Variants in FBRS observed in about 807,000 individuals in gnomAD.
FBRS encodes fibrosin.
In FBRS, 15 loss-of-function variants were observed where a neutral mutation model predicts 86.1. The observed-to-expected ratio is 0.17, with a 90% confidence interval of 0.12 to 0.27. FBRS has a LOEUF of 0.27. Among genes scored for constraint, FBRS ranks in the 10% least tolerant of loss-of-function variants. The probability of loss-of-function intolerance (pLI) is 1.00; values close to 1 mark genes in which losing one functional copy is unlikely to be tolerated. For synonymous variants in FBRS, 666 were observed against 575.8 expected, an observed-to-expected ratio of 1.16 and a Z score of -2.24; for missense variants, 1,367 against 1,301.6, an observed-to-expected ratio of 1.05 and a Z score of -0.77.
chr16:30,661,344 C>T lies in FBRS; in HGVS notation c.705+11C>T. The T allele has an allele frequency of 1.9e-6, 3 of 1,550,714 alleles. No individual in the cohort carries two copies. The highest frequency in any genetic ancestry group is 2.4e-5 in the East Asian group (1 of 40,922). On this transcript the variant is annotated intron_variant, in intron 4 of 17. Transcript: ENST00000356166. ...GATCTGGACGAGAGGGTGAGTGGGG[C>T]TAGAGCTTGGGTGGGCAGTGTCACT...
intron 11 of FBRS, 84 bp from the exon 12 acceptor site, chr16:30,666,428 G>A: frequency 6.4e-7 from 1 of 1,554,436 alleles, no homozygotes; most frequent in Non-Finnish European, 8.9e-7. Context: ...CATGTTGGGG[G>A]TGAGTGGATG....
chr16:30,661,152 C>T, intron 2 of FBRS, 28 bp from the exon 3 acceptor site: 1 of 1,550,316 alleles, frequency 6.5e-7, no homozygotes, highest in Non-Finnish European at 8.7e-7. Context: ...AGCCGCCTCC[C>T]TCACCTCTGG....
Position 30,669,153 on chromosome 16 carries a change from C to T in FBRS, c.2451C>T (p.Thr817=). ...ARAGEEGPRP[T]KESVRVKEER... ...CTGGTGAGGAGGGGCCTCGGCCAAC[C>T]AAGGAATCTGTGCGGGTAAAGGAAG... The change falls in exon 18 of 18, where the codon ACC becomes ACT. Residue 817 remains threonine (T), a synonymous_variant. Transcript: ENST00000356166. This position sits in a 1 kb window ranked among gnomAD's most constrained non-coding sequence, Gnocchi z 5.9. 1.3e-6 allele frequency: 2 copies of T among 1,564,744 alleles called. No individual in the cohort carries two copies. The highest frequency in any genetic ancestry group is 1.7e-4 in the Middle Eastern group (1 of 6,000).
At chr16:30,660,242 G>A in intron 1 of FBRS, 21 bp from the exon 2 acceptor site, 1 of 1,333,338 alleles carries the variant, frequency 7.5e-7, no homozygotes, top group Non-Finnish European at 9.7e-7. Flanking sequence ...ATCTATCTCA[G>A]CCCCACCTCC....
rs569538632 is a variant in FBRS, at chr16:30,669,652, CGG to C, written c.*15_*16del. 271 of 1,508,998 alleles carry C rather than the reference CGG, an allele frequency of 1.8e-4. No homozygotes were observed. In the African/African-American group the frequency reaches 3.5e-3, roughly 19 times the overall value. The allele number at this position is 1,508,998 out of a possible 1,614,324, so 93.5% of individuals were successfully genotyped here. ...AGCTCGGGCTGACAGGTGAGGGGAA[CGG>C]GGGGGGGTCGGGGCAAAGCTCCATC... On this transcript the variant is annotated 3_prime_UTR_variant, in exon 18 of 18. Transcript: ENST00000356166. This position sits in a 1 kb window ranked among gnomAD's most constrained non-coding sequence, Gnocchi z 5.9.
intron 1 of FBRS, 33 bp from the exon 2 acceptor site, chr16:30,660,230 C>G: frequency 7.5e-7 from 1 of 1,338,866 alleles, no homozygotes; most frequent in South Asian, 2.0e-5. Context: ...TTGCCCTTTT[C>G]CATCTATCTC....
At chr16:30,667,747 C>T in intron 15 of FBRS, 125 bp downstream of exon 15, 3 of 812,968 alleles carry the variant, frequency 3.7e-6, no homozygotes, top group Non-Finnish European at 5.5e-6. Context: ...TGACCTTGGG[C>T]AGGTTACTCT....
rs2052566100 is a variant in FBRS, at chr16:30,669,250, A to G, written c.2548A>G (p.Thr850Ala). 3.2e-6 allele frequency: 5 copies of G among 1,556,258 alleles called. No individual in the cohort carries two copies. Among genetic ancestry groups the G allele is most frequent in the Non-Finnish European group, 4.3e-6 (5 of 1,150,518 alleles). Residue 850 changes from threonine (T) to alanine (A), a missense_variant, in exon 18 of 18, where the codon ACT becomes GCT. Thr to Ala is a moderately conservative substitution (Grantham distance 58, BLOSUM62 0). Coordinates refer to ENST00000356166, the MANE Select transcript of FBRS (RefSeq NM_001105079.3). The surrounding 1 kb of genome is among the most constrained non-coding windows in gnomAD (Gnocchi z 5.9). ...AAAAAAAAAA[T>A]GPQGLHLLFE... Reference sequence around the variant, plus strand: ...CGCCGCTGCCGCCGCCGCAGCAGCCACTGGGCCCCAGGGCCTTCACCTGCT... The same window carrying G: ...CGCCGCTGCCGCCGCCGCAGCAGCCGCTGGGCCCCAGGGCCTTCACCTGCT...
At position 30,665,730 on chromosome 16, in the gene FBRS, G is replaced by T. The variant is rs80324889; in HGVS notation, c.1773+24G>T. 422 of 1,562,912 alleles carry T rather than the reference G, an allele frequency of 2.7e-4. 2 individuals carry two copies. In the African/African-American group the frequency reaches 5.2e-3, roughly 19 times the overall value. On this transcript the variant is annotated intron_variant, in intron 11 of 17. Coordinates refer to ENST00000356166, the MANE Select transcript of FBRS (RefSeq NM_001105079.3). This position sits in a 1 kb window ranked among gnomAD's most constrained non-coding sequence, Gnocchi z 4.1. ...AGGTGAGGGGGCCAGGGCAGGTCCT[G>T]GGGGAGCTGGAAGGTGTGTTGCGGG...
Position 30,659,540 on chromosome 16 carries a change from G to A in FBRS, c.22G>A (p.Ala8Thr). The A allele has an allele frequency of 6.4e-6, 2 of 311,850 alleles. No individual in the cohort carries two copies. Among genetic ancestry groups the A allele is most frequent in the Non-Finnish European group, 5.8e-6 (1 of 171,024 alleles). The allele number at this position is 311,850 out of a possible 1,614,324, so 19.3% of individuals were successfully genotyped here. A position where few individuals can be genotyped will look rare whatever the true frequency, so the allele number is the denominator to read the frequency against. The part of the protein sequence containing the change: METAAAA[A>T]PGPGWAAEGE... ...CGCCATGGAGACGGCAGCGGCCGCG[G>A]CCCCGGGTCCGGGCTGGGCAGCAGA... Residue 8 changes from alanine to threonine, a missense_variant, in exon 1 of 18, where the codon GCC becomes ACC. Physicochemically the swap from Ala to Thr is moderately conservative, Grantham distance 58. Transcript: ENST00000356166.
intron 12 of FBRS, 51 bp from the exon 13 acceptor site, chr16:30,666,868 G>A (rs778497306): frequency 1.1e-5 from 18 of 1,574,630 alleles, no homozygotes; most frequent in Non-Finnish European, 1.6e-5. Flanking sequence ...TGGATGATGA[G>A]TGAACGTTCT....
At position 30,669,451 on chromosome 16, in the gene FBRS, G is replaced by A. The variant is rs375693402; in HGVS notation, c.2749G>A (p.Gly917Ser). 6 of 1,612,936 alleles carry A rather than the reference G, an allele frequency of 3.7e-6. 1 individual carries two copies. The highest frequency in any genetic ancestry group is 2.2e-5 in the South Asian group (2 of 91,082). Reference protein sequence around the residue: ...PGAVAAARLYGLEPAHPLLYS... With the variant: ...PGAVAAARLYSLEPAHPLLYS... ...GGCCGTGGCCGCTGCCCGCCTCTACGGTCTGGAACCTGCTCACCCCTTGCT... is the reference window on the plus strand; with the variant it reads ...GGCCGTGGCCGCTGCCCGCCTCTACAGTCTGGAACCTGCTCACCCCTTGCT... Residue 917 changes from glycine to serine, a missense_variant, in exon 18 of 18, where the codon GGT (glycine) becomes AGT (serine). Around this residue, in one of 3 missense-constraint regions of FBRS, gnomAD observed 659 missense variants for 678.8 expected, o/e 0.97. Transcript: ENST00000356166. The surrounding 1 kb of genome is among the most constrained non-coding windows in gnomAD (Gnocchi z 5.9).
chr16:30,665,450 C>A lies in FBRS; in HGVS notation c.1704+49C>A. On this transcript the variant is annotated intron_variant, in intron 10 of 17. Coordinates refer to ENST00000356166, the MANE Select transcript of FBRS (RefSeq NM_001105079.3). The surrounding 1 kb of genome is among the most constrained non-coding windows in gnomAD (Gnocchi z 4.1). ...CCACCGCCTACCATCTTGACAAACC[C>A]AGACACGCCGGGTCCAAGCACCCTT... The A allele has an allele frequency of 1.3e-6, 2 of 1,521,582 alleles. No homozygotes were observed. Among genetic ancestry groups the A allele is most frequent in the Non-Finnish European group, 8.9e-7 (1 of 1,119,764 alleles). The allele number at this position is 1,521,582 out of a possible 1,614,324, so 94.3% of individuals were successfully genotyped here.
In FBRS at chr16:30,659,862, A is replaced by T; in HGVS notation, c.344A>T (p.Glu115Val). The change falls in exon 1 of 18, where the codon GAG becomes GTG. Residue 115 changes from glutamate to valine, a missense_variant. This residue lies in a region of FBRS where 702 missense variants were observed against 598.7 expected (regional missense o/e 1.17). Transcript: ENST00000356166. The stretch of plus-strand genomic sequence containing the variant: ...GAGGAAGAGGAGGAGGAGGAGGAGG[A>T]GGGGGGCGCAGACGACGGCGAAGCC... ...RGEEEEEEEE[E>V]GGADDGEAEE... 6.5e-7 allele frequency: 1 copy of T among 1,532,112 alleles called. No homozygotes were observed. Among genetic ancestry groups the T allele is most frequent in the South Asian group, 1.2e-5 (1 of 83,366 alleles). The allele number at this position is 1,532,112 out of a possible 1,614,324, so 94.9% of individuals were successfully genotyped here.
intron 15 of FBRS, chr16:30,668,073 C>CT: frequency 5.2e-6 from 1 of 193,892 alleles, no homozygotes; most frequent in Non-Finnish European, 1.0e-5. Flanking sequence ...GTTAGTTGTT[C>CT]TGTCTGGCTG....
chr16:30,666,663 A>G, intron 12 of FBRS, 122 bp downstream of exon 12: 1 of 1,500,162 alleles, frequency 6.7e-7, no homozygotes, highest in Non-Finnish European at 9.3e-7. Flanking sequence ...CCAGATGTGG[A>G]ACAGCAGAGA....
At chr16:30,666,318 A>T in intron 11 of FBRS, 194 bp from the exon 12 acceptor site, 1 of 694,184 alleles carries the variant, frequency 1.4e-6, no homozygotes, top group Non-Finnish European at 2.4e-6. Flanking sequence ...GGCTTGGTTC[A>T]GAAACCTTGT....
At position 30,658,613 on chromosome 16, in the gene FBRS, G is replaced by A. The variant is rs1366473479; in HGVS notation, c.-906G>A. ...GGACAGAGACGGAGGAAAGGAGGAA[G>A]AGACTTTTATGTCGGCGGACAGGGG... On this transcript the variant is annotated 5_prime_UTR_variant, in exon 1 of 18. Transcript: ENST00000356166. 6.6e-6 allele frequency: 1 copy of A among 152,520 alleles called. No individual in the cohort carries two copies. The highest frequency in any genetic ancestry group is 2.4e-5 in the African/African-American group (1 of 41,600). The allele number at this position is 152,520 out of a possible 1,614,324, so 9.4% of individuals were successfully genotyped here. A position where few individuals can be genotyped will look rare whatever the true frequency, so the allele number is the denominator to read the frequency against.
intron 13 of FBRS, 84 bp downstream of exon 13, chr16:30,667,074 A>T: frequency 7.3e-7 from 1 of 1,372,536 alleles, no homozygotes; most frequent in Non-Finnish European, 1.0e-6. Context: ...AACAGAGCTC[A>T]GCAGAATCTT....
Sources: gnomAD v4.1 joint callset for allele counts on GRCh38, gnomAD v4.1.1 for gene constraint, gnomAD v4.1.1 regional missense constraint, Gnocchi (gnomAD v3.1) non-coding constraint, MANE v1.5 for transcripts, NCBI Gene and HGNC (gene_info 2026-07-23, HGNC 2026-07-21) for gene names.